The following CSRP3 variants were observed in gnomAD, a reference collection of about 807,000 sequenced individuals.
The protein encoded by CSRP3 is cysteine and glycine rich protein 3.
In CSRP3, 24 loss-of-function variants were observed where a neutral mutation model predicts 24.3. That is an observed-to-expected ratio of 0.99 (90% CI 0.71 to 1.39). The LOEUF is 1.39. Among genes scored for constraint, CSRP3 ranks in the 40% most tolerant of loss-of-function variants. CSRP3 has a pLI of 0.00. For synonymous variants in CSRP3, 105 were observed against 94.0 expected (o/e 1.12, Z -0.68); for missense variants, 240 against 249.0 (o/e 0.96, Z 0.24).
chr11:19,190,302 A>G (rs1375099334), intron 2 of CSRP3, among the ~76,000 whole-genome samples: 1 of 152,228 alleles, frequency 6.6e-6, no homozygotes, highest in African/African-American at 2.4e-5. Flanking sequence ...GTGAACAGAC[A>G]AAGGAGAACT....
Sources: allele counts gnomAD v4.1 joint callset (sites outside exome capture counted in the v4.1 genomes callset), GRCh38; gene constraint gnomAD v4.1.1; transcripts MANE v1.5; gene names NCBI Gene and HGNC (gene_info 2026-07-23, HGNC 2026-07-21).